Variants in NCKAP5 observed in about 807,000 individuals in gnomAD.
NCKAP5 encodes nck-associated protein 5.
NCKAP5 carries 92 observed loss-of-function variants against 167.0 expected under a neutral mutation model. The observed-to-expected ratio is 0.55, with a 90% CI of 0.47 to 0.66. The LOEUF is 0.66. Ranked by LOEUF, NCKAP5 falls within the 30% of genes least tolerant of loss-of-function variation. NCKAP5 has a pLI of 0.00. For synonymous variants in NCKAP5, 891 were observed against 877.4 expected, an observed-to-expected ratio of 1.02 and a Z score of -0.27; for missense variants, 2,378 against 2,315.0, an observed-to-expected ratio of 1.03 and a Z score of -0.56.
chr2:133,492,143 T>TTGTGTGTGTGTGTGTGTGTGTGTG lies in NCKAP5; in HGVS notation c.69+25314_69+25315insCACACACACACACACACACACACA, dbSNP rs780998843. On this transcript the variant is annotated intron_variant, in intron 3 of 19. Coordinates refer to ENST00000409261, the MANE Select transcript of NCKAP5 (RefSeq NM_207363.3). ...ACCTGTATCCTATGCCATATCTAGTTAGTGTGTGTGTGTGTGTGTGTGTGT... is the reference window on the plus strand; with the variant it reads ...ACCTGTATCCTATGCCATATCTAGTTTGTGTGTGTGTGTGTGTGTGTGTGAGTGTGTGTGTGTGTGTGTGTGTGT... 5.1e-3 allele frequency among the ~76,000 whole-genome samples: 429 copies of TTGTGTGTGTGTGTGTGTGTGTGTG among 84,504 alleles called. 8 individuals are homozygous for TTGTGTGTGTGTGTGTGTGTGTGTG. The highest frequency in any genetic ancestry group is 0.012 in the South Asian group (32 of 2,574). The allele number at this position is 84,504 out of a possible 152,430, so 55.4% of individuals were successfully genotyped here. A position where few individuals can be genotyped will look rare whatever the true frequency, so the allele number is the denominator to read the frequency against.
intron 8 of NCKAP5, among the ~76,000 whole-genome samples, chr2:132,924,874 T>C (rs1054710779): frequency 6.6e-6 from 1 of 152,128 alleles, no homozygotes; most frequent in African/African-American, 2.4e-5. Flanking sequence ...ATTTTCATTA[T>C]AGATTTATGA....
intron 8 of NCKAP5, among the ~76,000 whole-genome samples, chr2:132,895,069 C>T (rs528606365): frequency 1.3e-5 from 2 of 152,240 alleles, no homozygotes; most frequent in South Asian, 4.1e-4. Flanking sequence ...CAGTGGCTCA[C>T]ATCTGTAATC....
At chr2:133,216,317 T>C (rs2086428014) in intron 4 of NCKAP5, among the ~76,000 whole-genome samples, 1 of 152,084 alleles carries the variant, frequency 6.6e-6, no homozygotes, top group African/African-American at 2.4e-5. Flanking sequence ...AACAGCTGTG[T>C]AAGAATCCAG....
intron 3 of NCKAP5, among the ~76,000 whole-genome samples, chr2:133,324,954 T>C (rs757387653): frequency 3.3e-5 from 5 of 152,188 alleles, no homozygotes; most frequent in Admixed American, 6.5e-5. Flanking sequence ...GTGATCCACA[T>C]GCCTTGACCT....
At position 133,022,192 on chromosome 2, in the gene NCKAP5, C is replaced by A. The variant is rs767571114; in HGVS notation, c.342-27953G>T. 2.8e-4 allele frequency among the ~76,000 whole-genome samples: 42 copies of A among 152,176 alleles called. No individual in the cohort carries two copies. In the Middle Eastern group the frequency reaches 0.014, roughly 50 times the overall value. On this transcript the variant is annotated intron_variant, in intron 6 of 19. Transcript: ENST00000409261. ...GTAGGAGACTAGGATATACTAGCCCCAAATATATTCCTCTGACATATTTTG... is the reference window on the plus strand; with the variant it reads ...GTAGGAGACTAGGATATACTAGCCCAAAATATATTCCTCTGACATATTTTG...
chr2:133,021,593 GAT>G, intron 6 of NCKAP5, among the ~76,000 whole-genome samples: 1 of 152,196 alleles, frequency 6.6e-6, no homozygotes. Context: ...TTAATCCAGG[GAT>G]ATGTTTGCTA....
Position 133,300,305 on chromosome 2 carries a change from G to A in NCKAP5, c.143+2732C>T, listed in dbSNP as rs950750500. Among the ~76,000 whole-genome samples the A allele has an allele frequency of 1.9e-4, 25 of 132,650 alleles. No homozygotes were observed. In the East Asian group the frequency reaches 4.9e-3, roughly 26 times the overall value. The allele number at this position is 132,650 out of a possible 152,430, so 87.0% of individuals were successfully genotyped here. On this transcript the variant is annotated intron_variant, in intron 4 of 19. Transcript: ENST00000409261. ...AGGCCAGCATCATTCTGATACCAAA[G>A]CCGGGCAGAGACACAACCAAAAAAG...
chr2:132,925,225 C>T (rs538125265), intron 8 of NCKAP5, among the ~76,000 whole-genome samples: 4 of 152,200 alleles, frequency 2.6e-5, no homozygotes, highest in East Asian at 1.9e-4. Flanking sequence ...AGATCCCTCA[C>T]ATGTGAAGGT....
chr2:133,354,823 CATAAGACACACA>C (rs1684601017), intron 3 of NCKAP5, among the ~76,000 whole-genome samples: 2 of 152,056 alleles, frequency 1.3e-5, no homozygotes, highest in Admixed American at 1.3e-4. Context: ...GCCAAATGCA[CATAAGACACACA>C]AAAAGACATT....
At chr2:133,261,296 A>G (rs1046671403) in intron 4 of NCKAP5, among the ~76,000 whole-genome samples, 18 of 152,292 alleles carry the variant, frequency 1.2e-4, no homozygotes, top group African/African-American at 4.1e-4. Flanking sequence ...AAAACCACCC[A>G]AGGTAGGCTT....
intron 3 of NCKAP5, among the ~76,000 whole-genome samples, chr2:133,332,742 C>A (rs2150731741): frequency 6.6e-6 from 1 of 152,284 alleles, no homozygotes; most frequent in East Asian, 1.9e-4. Context: ...ATAAGTGTTT[C>A]TTTTACCCTG....
In NCKAP5 at chr2:133,102,142, TTTTG is replaced by T. The variant is rs1360605249; in HGVS notation, c.341+27832_341+27835del. On this transcript the variant is annotated intron_variant, in intron 6 of 19. Transcript: ENST00000409261. ...GATTTTTTCTTTTTTTCTTTGTTTT[TTTTG>T]TTTGTTTGCTTGGTTTTTGAAACGG... is the stretch of plus-strand genomic sequence containing the variant. Among the ~76,000 whole-genome samples, 15 of 152,014 alleles carry T rather than the reference TTTTG, an allele frequency of 9.9e-5. 1 individual carries two copies. Among genetic ancestry groups the T allele is most frequent in the Admixed American group, 9.8e-4 (15 of 15,270 alleles).
chr2:133,074,499 T>G (rs2080528316), intron 6 of NCKAP5, among the ~76,000 whole-genome samples: 1 of 152,094 alleles, frequency 6.6e-6, no homozygotes, highest in South Asian at 2.1e-4. Context: ...TAGCTGGGAC[T>G]ACAGATGTGT....
chr2:133,651,326 G>C, the NCKAP5 span, among the ~76,000 whole-genome samples: 1 of 152,138 alleles, frequency 6.6e-6, no homozygotes, highest in Non-Finnish European at 1.5e-5. Flanking sequence ...CTAATAACCT[G>C]ACTAAAATAT....
chr2:132,687,698 C>T (rs1481999494), intron 19 of NCKAP5, among the ~76,000 whole-genome samples: 2 of 147,042 alleles, frequency 1.4e-5, no homozygotes, highest in Non-Finnish European at 3.0e-5. Flanking sequence ...CTGCTAAGCA[C>T]GGACACCTAC....
At chr2:132,807,803 G>T (rs1685551806) in intron 11 of NCKAP5, among the ~76,000 whole-genome samples, 1 of 152,056 alleles carries the variant, frequency 6.6e-6, no homozygotes, top group South Asian at 2.1e-4. Context: ...TGCTGAAGGA[G>T]TGGTGAGAGT....
chr2:133,615,883 T>C, the NCKAP5 span, among the ~76,000 whole-genome samples: 4 of 151,684 alleles, frequency 2.6e-5, no homozygotes, highest in Admixed American at 6.6e-5. Flanking sequence ...TATTCCAAAA[T>C]TGACCACATA....
At chr2:133,454,509 A>C (rs1389756877) in intron 3 of NCKAP5, among the ~76,000 whole-genome samples, 2 of 152,074 alleles carry the variant, frequency 1.3e-5, no homozygotes, top group Non-Finnish European at 2.9e-5. Flanking sequence ...TTTGGTATTG[A>C]CATCATAGAT....
chr2:132,721,494 C>T (rs1454870064), intron 19 of NCKAP5, among the ~76,000 whole-genome samples: 2 of 152,086 alleles, frequency 1.3e-5, no homozygotes, highest in African/African-American at 4.8e-5. Context: ...GGTGGGACGG[C>T]CAATCTCCTT....
Sources: gnomAD v4.1 joint callset for allele counts (sites outside exome capture counted in the v4.1 genomes callset) on GRCh38, gnomAD v4.1.1 for gene constraint, MANE v1.5 for transcripts, NCBI Gene and HGNC (gene_info 2026-07-23, HGNC 2026-07-21) for gene names.